The following CTNND2 variants were observed in gnomAD, a reference collection of about 807,000 sequenced individuals.
The protein encoded by CTNND2 is catenin delta-2.
CTNND2 carries 22 observed loss-of-function variants against 144.4 expected under a neutral mutation model. The ratio of observed to expected loss-of-function variants is 0.15; its 90% CI spans 0.11 to 0.22. The LOEUF (loss-of-function observed/expected upper bound fraction) is 0.22, where lower values mean the gene tolerates loss of function less well. CTNND2 is among the 10% of genes least tolerant of loss of function. CTNND2 has a pLI of 1.00. For synonymous variants in CTNND2, 751 were observed against 695.6 expected, an observed-to-expected ratio of 1.08 and a Z score of -1.25; for missense variants, 1,353 against 1,618.8, an observed-to-expected ratio of 0.84 and a Z score of 2.82.
intron 3 of CTNND2, among the ~76,000 whole-genome samples, chr5:11,468,737 A>AT (rs1319097474): frequency 6.6e-6 from 1 of 151,982 alleles, no homozygotes; most frequent in Non-Finnish European, 1.5e-5. Flanking sequence ...AGTAACTTCA[A>AT]TTCCTGGGTT....
intron 9 of CTNND2, among the ~76,000 whole-genome samples, chr5:11,238,358 A>G (rs1426596093): frequency 6.6e-6 from 1 of 152,220 alleles, no homozygotes; most frequent in East Asian, 1.9e-4. Flanking sequence ...ATTCCTCATG[A>G]AACAACTCAA....
chr5:11,019,021 T>C (rs1258148160), intron 17 of CTNND2, among the ~76,000 whole-genome samples: 1 of 152,212 alleles, frequency 6.6e-6, no homozygotes, highest in Non-Finnish European at 1.5e-5. Flanking sequence ...CTCTTAATTA[T>C]ATGATGGCTT....
Position 11,364,844 on chromosome 5 carries a change from T to G in CTNND2, c.1224A>C (p.Pro408=), listed in dbSNP as rs1318015021. The G allele has an allele frequency of 6.2e-7, 1 of 1,613,514 alleles. No individual in the cohort carries two copies. Among genetic ancestry groups the G allele is most frequent in the African/African-American group, 1.3e-5 (1 of 74,902 alleles). ...CTGGGGACTGCAGGGCCCGCAACTC[T>G]GGGCCCAGGTGCCCATGCTGGCTGC... ...SYSSQHGHLG[P]ELRALQSPEH... The change falls in exon 8 of 22, where the codon CCA becomes CCC. Residue 408 remains proline (P), a synonymous_variant. Transcript: ENST00000304623.
At chr5:11,404,493 T>A (rs1760906656) in intron 5 of CTNND2, among the ~76,000 whole-genome samples, 1 of 151,108 alleles carries the variant, frequency 6.6e-6, no homozygotes, top group African/African-American at 2.4e-5. Flanking sequence ...CATCCACCTG[T>A]GCCTACAGTG....
At chr5:11,285,604 TAGAC>T (rs1554021002) in intron 9 of CTNND2, among the ~76,000 whole-genome samples, 1 of 151,962 alleles carries the variant, frequency 6.6e-6, no homozygotes, top group Non-Finnish European at 1.5e-5. Flanking sequence ...CTCCAGAAAA[TAGAC>T]AGCTGGCCCC....
chr5:11,590,037 G>C (rs1779129165), intron 2 of CTNND2, among the ~76,000 whole-genome samples: 1 of 145,130 alleles, frequency 6.9e-6, no homozygotes, highest in African/African-American at 2.5e-5. Context: ...TTAAAAATAA[G>C]ATTTTGTAAA....
chr5:11,170,089 G>A (rs1759748846), intron 11 of CTNND2, among the ~76,000 whole-genome samples: 1 of 152,176 alleles, frequency 6.6e-6, no homozygotes, highest in Admixed American at 6.5e-5. Flanking sequence ...AGGAAACTGA[G>A]ACACAGAAAA....
At chr5:11,706,805 G>C (rs1057313763) in intron 2 of CTNND2, among the ~76,000 whole-genome samples, 1 of 152,054 alleles carries the variant, frequency 6.6e-6, no homozygotes, top group African/African-American at 2.4e-5. Context: ...AAGGAAGTAA[G>C]GCCAGCGCGG....
intron 1 of CTNND2, among the ~76,000 whole-genome samples, chr5:11,894,262 G>GCTT (rs2126310106): frequency 6.6e-6 from 1 of 151,870 alleles, no homozygotes; most frequent in East Asian, 2.0e-4. Flanking sequence ...GGACAATAGG[G>GCTT]CTTCATTCCA....
intron 16 of CTNND2, among the ~76,000 whole-genome samples, chr5:11,068,497 G>C (rs1747860554): frequency 6.6e-6 from 1 of 152,074 alleles, no homozygotes; most frequent in African/African-American, 2.4e-5. Context: ...AAGATGCTCT[G>C]GTATAGGTTA....
chr5:11,312,341 T>C (rs1460143866), intron 9 of CTNND2, among the ~76,000 whole-genome samples: 1 of 149,710 alleles, frequency 6.7e-6, no homozygotes, highest in Non-Finnish European at 1.5e-5. Flanking sequence ...TACCCAAGAC[T>C]GGGAAGAAAA....
chr5:11,652,646 T>C (rs1422775275), intron 2 of CTNND2, among the ~76,000 whole-genome samples: 1 of 152,236 alleles, frequency 6.6e-6, no homozygotes, highest in East Asian at 1.9e-4. Context: ...GGGTTTTTGA[T>C]TGTTCTGATA....
At chr5:11,276,779 A>G (rs1479016489) in intron 9 of CTNND2, among the ~76,000 whole-genome samples, 1 of 152,196 alleles carries the variant, frequency 6.6e-6, no homozygotes, top group African/African-American at 2.4e-5. Flanking sequence ...GAAAGGAGAA[A>G]GAGATTCGTG....
At chr5:11,121,226 C>A (rs1754107758) in intron 12 of CTNND2, among the ~76,000 whole-genome samples, 1 of 152,162 alleles carries the variant, frequency 6.6e-6, no homozygotes, top group African/African-American at 2.4e-5. Context: ...ACCCTGATAA[C>A]CTTCCGCGAT....
intron 18 of CTNND2, among the ~76,000 whole-genome samples, chr5:10,995,817 T>C (rs920872888): frequency 5.3e-5 from 8 of 152,150 alleles, no homozygotes; most frequent in African/African-American, 1.9e-4. Flanking sequence ...ACTGTGGCCA[T>C]GGACATGGGG....
intron 5 of CTNND2, among the ~76,000 whole-genome samples, chr5:11,407,611 T>C (rs1761198095): frequency 1.3e-5 from 2 of 152,218 alleles, no homozygotes; most frequent in South Asian, 4.1e-4. Context: ...CTTTCCATTT[T>C]AGAACTTTTC....
intron 10 of CTNND2, among the ~76,000 whole-genome samples, chr5:11,201,271 T>A (rs1264814257): frequency 6.6e-6 from 1 of 152,210 alleles, no homozygotes; most frequent in Non-Finnish European, 1.5e-5. Context: ...GTTCAGGAAA[T>A]ATTTGTCAAA....
At chr5:11,604,140 C>T (rs1423042867) in intron 2 of CTNND2, among the ~76,000 whole-genome samples, 2 of 152,280 alleles carry the variant, frequency 1.3e-5, no homozygotes, top group African/African-American at 4.8e-5. Flanking sequence ...TTCATATTCA[C>T]AGGCTTCTTC....
chr5:11,277,517 T>C (rs1746661742), intron 9 of CTNND2, among the ~76,000 whole-genome samples: 1 of 147,698 alleles, frequency 6.8e-6, no homozygotes, highest in South Asian at 2.2e-4. Context: ...TTTATTTATT[T>C]ATTTATTTAT....
Sources: allele counts gnomAD v4.1 joint callset (sites outside exome capture counted in the v4.1 genomes callset), GRCh38; gene constraint gnomAD v4.1.1; transcripts MANE v1.5; gene names NCBI Gene and HGNC (gene_info 2026-07-23, HGNC 2026-07-21).